Variants in OR4C3 observed in about 807,000 individuals in gnomAD.
The protein encoded by OR4C3 is olfactory receptor 4C3.
For missense variants in OR4C3, 439 were observed against 360.7 expected (o/e 1.22, Z -1.76); for synonymous variants, 186 against 140.1 (o/e 1.33, Z -2.31).
Position 48,325,514 on chromosome 11 carries a change from C to T in OR4C3, c.493C>T (p.Pro165Ser), listed in dbSNP as rs763464918. Residue 165 changes from proline to serine, a missense_variant, in exon 1 of 1, where the codon CCC becomes TCC. Pro to Ser is a moderately conservative substitution (Grantham distance 74). Transcript: ENST00000319856. ...LVQLLLVLWL[P>S]FCGPNVINHF... ...TCAGCTCCTCCTGGTCCTTTGGTTG[C>T]CCTTCTGTGGGCCCAATGTGATCAA... is the stretch of plus-strand genomic sequence containing the variant. 1 of 1,613,762 alleles carries T rather than the reference C, an allele frequency of 6.2e-7. No individual in the cohort carries two copies. The highest frequency in any genetic ancestry group is 8.5e-7 in the Non-Finnish European group (1 of 1,179,824).
Position 48,325,019 on chromosome 11 carries a change from T to C in OR4C3, c.-3T>C, listed in dbSNP as rs1450585914. ...ACCTGCATTCTCAGTGACCTTGGAATCTATGGACATACCACAAAATATCAC... is the reference window on the plus strand; with the variant it reads ...ACCTGCATTCTCAGTGACCTTGGAACCTATGGACATACCACAAAATATCAC... On this transcript the variant is annotated 5_prime_UTR_variant, in exon 1 of 1. Transcript: ENST00000319856. 3 of 1,614,066 alleles carry C rather than the reference T, an allele frequency of 1.9e-6. No homozygotes were observed. The highest frequency in any genetic ancestry group is 2.7e-5 in the African/African-American group (2 of 75,036).
rs1414390889 is a variant in OR4C3 at position 48,324,963 on chromosome 11, T to C, written c.-59T>C. ...CCCATGCAATTAGTTCTATTACTTA[T>C]GTTTCTCCTTGTCTTTATAGGCAAT... On this transcript the variant is annotated 5_prime_UTR_variant, in exon 1 of 1. It removes an upstream start codon present in the reference 5' UTR. Coordinates refer to ENST00000319856, the MANE Select transcript of OR4C3 (RefSeq NM_001004702.2). 24 of 1,602,364 alleles carry C rather than the reference T, an allele frequency of 1.5e-5. No homozygotes were observed. Among genetic ancestry groups the C allele is most frequent in the Middle Eastern group, 1.7e-4 (1 of 5,990 alleles).
In OR4C3 at chr11:48,325,171, C is replaced by A. The variant is rs773435789; in HGVS notation, c.150C>A (p.Ser50Arg). 6.2e-6 allele frequency: 10 copies of A among 1,614,168 alleles called. No homozygotes were observed. The highest frequency in any genetic ancestry group is 8.5e-6 in the Non-Finnish European group (10 of 1,180,026). The change falls in exon 1 of 1, where the codon AGC (serine) becomes AGA (arginine). Residue 50 changes from serine to arginine, a missense_variant. Transcript: ENST00000319856. The stretch of plus-strand genomic sequence containing the variant: ...TCATTGTGGTCACTATCACCTCCAG[C>A]CCCACGCTGGCTTCCCCTGTGTATT... ...NMLIVVTITSSPTLASPVYFF... is the reference protein window; with the variant it reads ...NMLIVVTITSRPTLASPVYFF...
rs1218506193 is a variant in OR4C3 at position 48,324,980 on chromosome 11, A to G, written c.-42A>G. 2 of 1,608,300 alleles carry G rather than the reference A, an allele frequency of 1.2e-6. No individual in the cohort carries two copies. The highest frequency in any genetic ancestry group is 8.5e-7 in the Non-Finnish European group (1 of 1,178,074). On this transcript the variant is annotated 5_prime_UTR_variant, in exon 1 of 1. Coordinates refer to ENST00000319856, the MANE Select transcript of OR4C3 (RefSeq NM_001004702.2). ...ATTACTTATGTTTCTCCTTGTCTTTATAGGCAATACTGCACCTGCATTCTC... is the reference window on the plus strand; with the variant it reads ...ATTACTTATGTTTCTCCTTGTCTTTGTAGGCAATACTGCACCTGCATTCTC...
chr11:48,325,795 TC>T lies in OR4C3; in HGVS notation c.776del (p.Pro259HisfsTer7), dbSNP rs1852211908. The T allele has an allele frequency of 6.2e-7, 1 of 1,611,568 alleles. No homozygotes were observed. Among genetic ancestry groups the T allele is most frequent in the African/African-American group, 1.3e-5 (1 of 74,848 alleles). ...FVPCIFTYVH[P>X]FSTLPIDKNM... The stretch of plus-strand genomic sequence containing the variant: ...TGCCCTGTATATTTACTTATGTGCA[TC>T]CATTTTCTACTTTACCTATAGACAA... On this transcript the variant is annotated frameshift_variant, in exon 1 of 1. Coordinates refer to ENST00000319856, the MANE Select transcript of OR4C3 (RefSeq NM_001004702.2). LOFTEE classifies it low-confidence loss of function (END_TRUNC).
rs750637381 is a variant in OR4C3, at chr11:48,325,274, T to C, written c.253T>C (p.Tyr85His). 3.2e-5 allele frequency: 51 copies of C among 1,614,100 alleles called. No individual in the cohort carries two copies. Among genetic ancestry groups the C allele is most frequent in the Middle Eastern group, 1.6e-4 (1 of 6,082 alleles). ...TCCTAAACTCATTGCTGACTCATTG[T>C]ATGAGGGGAGAACCATCTCTTATGA... ...MAPKLIADSL[Y>H]EGRTISYECC... Residue 85 changes from tyrosine (Y) to histidine (H), a missense_variant, in exon 1 of 1, where the codon TAT (tyrosine) becomes CAT (histidine). By Grantham distance (83) the Tyr-to-His change is moderately conservative. Transcript: ENST00000319856.
rs1390465402 is a variant in OR4C3 at position 48,325,169 on chromosome 11, A to T, written c.148A>T (p.Ser50Cys). Residue 50 changes from serine to cysteine, a missense_variant, in exon 1 of 1, where the codon AGC becomes TGC. By Grantham distance (112) the Ser-to-Cys change is moderately radical (BLOSUM62 -1). Transcript: ENST00000319856. ...GCTCATTGTGGTCACTATCACCTCC[A>T]GCCCCACGCTGGCTTCCCCTGTGTA... The part of the protein sequence containing the change: ...NMLIVVTITS[S>C]PTLASPVYFF... 4 of 1,614,142 alleles carry T rather than the reference A, an allele frequency of 2.5e-6. No homozygotes were observed. Among genetic ancestry groups the T allele is most frequent in the Non-Finnish European group, 3.4e-6 (4 of 1,180,018 alleles).
At position 48,325,713 on chromosome 11, in the gene OR4C3, G is replaced by A. The variant is rs770331367; in HGVS notation, c.692G>A (p.Arg231Lys). 3.7e-6 allele frequency: 6 copies of A among 1,614,054 alleles called. No individual in the cohort carries two copies. Among genetic ancestry groups the A allele is most frequent in the Non-Finnish European group, 5.1e-6 (6 of 1,179,936 alleles). ...YSLRSHSADG[R>K]CKALSTCGAH... ...TTGAGGTCCCACAGTGCAGATGGGA[G>A]ATGCAAAGCCCTCTCCACCTGTGGA... The change falls in exon 1 of 1, where the codon AGA becomes AAA. Residue 231 changes from arginine to lysine, a missense_variant. By Grantham distance (26) the Arg-to-Lys change is conservative (BLOSUM62 2). Transcript: ENST00000319856.
At position 48,325,529 on chromosome 11, in the gene OR4C3, A is replaced by G. The variant is rs932313842; in HGVS notation, c.508A>G (p.Asn170Asp). 1.2e-6 allele frequency: 2 copies of G among 1,613,644 alleles called. No homozygotes were observed. The highest frequency in any genetic ancestry group is 1.7e-6 in the Non-Finnish European group (2 of 1,179,866). Residue 170 changes from asparagine (N) to aspartate (D), a missense_variant, in exon 1 of 1, where the codon AAT becomes GAT. Physicochemically the swap from Asn to Asp is conservative, Grantham distance 23. Coordinates refer to ENST00000319856, the MANE Select transcript of OR4C3 (RefSeq NM_001004702.2). ...LVLWLPFCGPNVINHFACDLY... is the reference protein window; with the variant it reads ...LVLWLPFCGPDVINHFACDLY... ...CCTTTGGTTGCCCTTCTGTGGGCCC[A>G]ATGTGATCAATCACTTTGCCTGTGA...
rs1439981435 is a variant in OR4C3 at position 48,325,318 on chromosome 11, C to A, written c.297C>A (p.Leu99=). 3.1e-6 allele frequency: 5 copies of A among 1,614,006 alleles called. No individual in the cohort carries two copies. In the East Asian group the frequency reaches 6.7e-5, roughly 22 times the overall value. ...TISYECCMAQ[L]FGAHFLGGVE... is the part of the protein sequence containing the mutation. ...CTTATGAGTGCTGCATGGCTCAGCT[C>A]TTTGGAGCTCATTTTTTGGGAGGTG... Residue 99 remains leucine (L), a synonymous_variant, in exon 1 of 1, where the codon CTC becomes CTA. Transcript: ENST00000319856.
rs974667078 is a variant in OR4C3 at position 48,325,710 on chromosome 11, G to A, written c.689G>A (p.Gly230Glu). 8.1e-6 allele frequency: 13 copies of A among 1,613,938 alleles called. No homozygotes were observed. The highest frequency in any genetic ancestry group is 9.3e-6 in the Non-Finnish European group (11 of 1,179,968). Residue 230 changes from glycine to glutamate, a missense_variant, in exon 1 of 1, where the codon GGG becomes GAG. Gly to Glu is a moderately conservative substitution (Grantham distance 98). Coordinates refer to ENST00000319856, the MANE Select transcript of OR4C3 (RefSeq NM_001004702.2). The stretch of plus-strand genomic sequence containing the variant: ...TCCTTGAGGTCCCACAGTGCAGATG[G>A]GAGATGCAAAGCCCTCTCCACCTGT... ...LYSLRSHSAD[G>E]RCKALSTCGA... is the part of the protein sequence containing the mutation.
rs777919536 is a variant in OR4C3 at position 48,325,498 on chromosome 11, C to T, written c.477C>T (p.Leu159=). The T allele has an allele frequency of 1.9e-6, 3 of 1,613,688 alleles. No individual in the cohort carries two copies. Among genetic ancestry groups the T allele is most frequent in the East Asian group, 2.2e-5 (1 of 44,890 alleles). ...TCCTGCATTCATTGGTTCAGCTCCT[C>T]CTGGTCCTTTGGTTGCCCTTCTGTG... ...GGFLHSLVQL[L]LVLWLPFCGP... is the part of the protein sequence containing the mutation. Residue 159 remains leucine, a synonymous_variant, in exon 1 of 1, where the codon CTC becomes CTT. Coordinates refer to ENST00000319856, the MANE Select transcript of OR4C3 (RefSeq NM_001004702.2).
At position 48,325,473 on chromosome 11, in the gene OR4C3, T is replaced by C. The variant is rs768853445; in HGVS notation, c.452T>C (p.Phe151Ser). Reference sequence around the variant, plus strand: ...GTAGGGGTGGCTTGGCTTGGGGGCTTCCTGCATTCATTGGTTCAGCTCCTC... The same window carrying C: ...GTAGGGGTGGCTTGGCTTGGGGGCTCCCTGCATTCATTGGTTCAGCTCCTC... ...MLVGVAWLGG[F>S]LHSLVQLLLV... The change falls in exon 1 of 1, where the codon TTC becomes TCC. Residue 151 changes from phenylalanine to serine, a missense_variant. Physicochemically the swap from Phe to Ser is radical, Grantham distance 155 (BLOSUM62 -2). Coordinates refer to ENST00000319856, the MANE Select transcript of OR4C3 (RefSeq NM_001004702.2). 1.2e-6 allele frequency: 2 copies of C among 1,613,776 alleles called. No individual in the cohort carries two copies. The highest frequency in any genetic ancestry group is 1.7e-6 in the Non-Finnish European group (2 of 1,179,820).
Position 48,325,239 on chromosome 11 carries a change from C to A in OR4C3, c.218C>A (p.Ser73Tyr). 1 of 1,614,136 alleles carries A rather than the reference C, an allele frequency of 6.2e-7. No individual in the cohort carries two copies. The highest frequency in any genetic ancestry group is 8.5e-7 in the Non-Finnish European group (1 of 1,180,000). The stretch of plus-strand genomic sequence containing the variant: ...TCCTTTATTGACACCTTTTATTCTT[C>A]TTCTATGGCTCCTAAACTCATTGCT... ...NLSFIDTFYS[S>Y]SMAPKLIADS... The change falls in exon 1 of 1, where the codon TCT becomes TAT. Residue 73 changes from serine (S) to tyrosine (Y), a missense_variant. Transcript: ENST00000319856.
In OR4C3 at chr11:48,324,935, TC is replaced by T. The variant is rs33950768; in HGVS notation, c.-82del. ...ATTAAAGGAAAACTTGCAATGTTTT[TC>T]CCCCATGCAATTAGTTCTATTACTT... On this transcript the variant is annotated 5_prime_UTR_variant, in exon 1 of 1. Coordinates refer to ENST00000319856, the MANE Select transcript of OR4C3 (RefSeq NM_001004702.2). The T allele has an allele frequency of 8.9e-6, 14 of 1,567,760 alleles. No homozygotes were observed. The highest frequency in any genetic ancestry group is 2.2e-5 in the East Asian group (1 of 44,560).
rs77470587 is a variant in OR4C3, at chr11:48,324,999, C to A, written c.-23C>A. 3 of 1,612,848 alleles carry A rather than the reference C, an allele frequency of 1.9e-6. No individual in the cohort carries two copies. Among genetic ancestry groups the A allele is most frequent in the Non-Finnish European group, 2.5e-6 (3 of 1,179,130 alleles). On this transcript the variant is annotated 5_prime_UTR_variant, in exon 1 of 1. It introduces an in-frame stop codon into an upstream open reading frame of the 5' UTR. Transcript: ENST00000319856. The stretch of plus-strand genomic sequence containing the variant: ...GTCTTTATAGGCAATACTGCACCTG[C>A]ATTCTCAGTGACCTTGGAATCTATG...
chr11:48,325,599 T>C lies in OR4C3; in HGVS notation c.578T>C (p.Ile193Thr), dbSNP rs751249637. 6.2e-7 allele frequency: 1 copy of C among 1,614,136 alleles called. No homozygotes were observed. Among genetic ancestry groups the C allele is most frequent in the Non-Finnish European group, 8.5e-7 (1 of 1,180,022 alleles). The change falls in exon 1 of 1, where the codon ATT (isoleucine) becomes ACT (threonine). Residue 193 changes from isoleucine to threonine, a missense_variant. Ile to Thr is a moderately conservative substitution (Grantham distance 89). Coordinates refer to ENST00000319856, the MANE Select transcript of OR4C3 (RefSeq NM_001004702.2). ...GTTGCCTGCACCAATACGTATGTCA[T>C]TGGTCTGCTGGTGGTTGCCAACAGT... ...LEVACTNTYV[I>T]GLLVVANSGL...
In OR4C3 at chr11:48,325,762, G is replaced by T; in HGVS notation, c.741G>T (p.Leu247Phe). ...GAGCCCACTTCATTGTTGTTGCCTT[G>T]TTCTTTGTGCCCTGTATATTTACTT... ...TCGAHFIVVA[L>F]FFVPCIFTYV... The change falls in exon 1 of 1, where the codon TTG becomes TTT. Residue 247 changes from leucine (L) to phenylalanine (F), a missense_variant. Physicochemically the swap from Leu to Phe is conservative, Grantham distance 22 (BLOSUM62 0). Transcript: ENST00000319856. 2 of 1,613,218 alleles carry T rather than the reference G, an allele frequency of 1.2e-6. No individual in the cohort carries two copies. Among genetic ancestry groups the T allele is most frequent in the Non-Finnish European group, 1.7e-6 (2 of 1,179,610 alleles).
rs758744609 is a variant in OR4C3, at chr11:48,325,452, G to A, written c.431G>A (p.Gly144Glu). Reference sequence around the variant, plus strand: ...AGGCATCTCTGTGCCATGCTTGTAGGGGTGGCTTGGCTTGGGGGCTTCCTG... The same window carrying A: ...AGGCATCTCTGTGCCATGCTTGTAGAGGTGGCTTGGCTTGGGGGCTTCCTG... ...MTRHLCAMLV[G>E]VAWLGGFLHS... Residue 144 changes from glycine to glutamate, a missense_variant, in exon 1 of 1, where the codon GGG becomes GAG. Coordinates refer to ENST00000319856, the MANE Select transcript of OR4C3 (RefSeq NM_001004702.2). 5.6e-6 allele frequency: 9 copies of A among 1,613,704 alleles called. No homozygotes were observed. Among genetic ancestry groups the A allele is most frequent in the Admixed American group, 3.3e-5 (2 of 59,986 alleles).
Sources: allele counts gnomAD v4.1 joint callset, GRCh38; gene constraint gnomAD v4.1.1; transcripts MANE v1.5; gene names NCBI Gene and HGNC (gene_info 2026-07-23, HGNC 2026-07-21).